YPEL1: variants seen among roughly 807,000 people sequenced by gnomAD.
YPEL1 encodes the protein protein yippee-like 1.
A neutral mutation model predicts 17.3 loss-of-function variants in YPEL1; 7 were observed. The observed-to-expected ratio is 0.40, with a 90% CI of 0.23 to 0.76. The LOEUF (loss-of-function observed/expected upper bound fraction) is 0.76, where lower values mean the gene tolerates loss of function less well. Ranked by LOEUF, YPEL1 falls within the 30% of genes least tolerant of loss-of-function variation. YPEL1 has a pLI of 0.35. For synonymous variants in YPEL1, 59 were observed against 59.6 expected, an observed-to-expected ratio of 0.99 and a Z score of 0.05; for missense variants, 91 against 155.5, an observed-to-expected ratio of 0.59 and a Z score of 2.21.
At chr22:21,712,336 A>C (rs2068174703) in intron 1 of YPEL1, among the ~76,000 whole-genome samples, 2 of 144,774 alleles carry the variant, frequency 1.4e-5, no homozygotes, top group African/African-American at 5.0e-5. Flanking sequence ...ATATATCCAT[A>C]TTCTCTATAT....
In YPEL1 at chr22:21,703,728, C is replaced by A; in HGVS notation, c.161+111G>T. Reference sequence around the variant, plus strand: ...ACTCCCGGCGGGGGGATGGTGGGTTCTTTCAGGACCCCTAAAGACCCAGGT... The same window carrying A: ...ACTCCCGGCGGGGGGATGGTGGGTTATTTCAGGACCCCTAAAGACCCAGGT... On this transcript the variant is annotated intron_variant, in intron 3 of 4. Transcript: ENST00000339468. The surrounding 1 kb of genome is among the most constrained non-coding windows in gnomAD (Gnocchi z 6.1). The A allele has an allele frequency of 2.5e-6, 3 of 1,217,134 alleles. No individual in the cohort carries two copies. Among genetic ancestry groups the A allele is most frequent in the Non-Finnish European group, 2.3e-6 (2 of 873,492 alleles). The allele number at this position is 1,217,134 out of a possible 1,614,324, so 75.4% of individuals were successfully genotyped here. A position where few individuals can be genotyped will look rare whatever the true frequency, so the allele number is the denominator to read the frequency against.
intron 1 of YPEL1, among the ~76,000 whole-genome samples, chr22:21,713,826 T>G (rs2068194964): frequency 1.3e-5 from 2 of 152,204 alleles, no homozygotes; most frequent in South Asian, 4.1e-4. Flanking sequence ...TGACTGATGC[T>G]GCCATCATCA....
intron 2 of YPEL1, among the ~76,000 whole-genome samples, chr22:21,710,033 T>C (rs2068150375): frequency 6.6e-6 from 1 of 152,178 alleles, no homozygotes; most frequent in Non-Finnish European, 1.5e-5. Flanking sequence ...CCTGTTTAAA[T>C]GTTCACAACT....
chr22:21,707,466 G>A (rs1470406814), intron 2 of YPEL1, among the ~76,000 whole-genome samples: 1 of 152,096 alleles, frequency 6.6e-6, no homozygotes, highest in Admixed American at 6.6e-5. Context: ...AGTTGTCCCT[G>A]GTAGACTTCT....
intron 1 of YPEL1, among the ~76,000 whole-genome samples, chr22:21,725,549 G>C (rs1375291701): frequency 2.0e-5 from 3 of 152,082 alleles, no homozygotes; most frequent in African/African-American, 7.2e-5. Context: ...AAATTTTAAA[G>C]TCACTTGGGT....
In YPEL1 at chr22:21,701,235, CAA is replaced by C. The variant is rs774130876; in HGVS notation, c.271-19_271-18del. On this transcript the variant is annotated intron_variant, in intron 4 of 4. Transcript: ENST00000339468. ...GGCATGCTCCTTGAAAAAGAAGAGA[CAA>C]AGGTTTCAGGACAGAAGGTTTCACT... The C allele has an allele frequency of 5.8e-5, 93 of 1,602,856 alleles. 1 individual carries two copies. The African/African-American group carries it at 1.0e-3, about 17-fold the overall frequency.
At chr22:21,722,856 A>T (rs1329231552) in intron 1 of YPEL1, 1 of 152,094 alleles carries the variant, frequency 6.6e-6, no homozygotes. Context: ...AGGGGTGGCA[A>T]CGACTTCTGG....
chr22:21,718,472 T>A (rs552697727), intron 1 of YPEL1, among the ~76,000 whole-genome samples: 18 of 150,612 alleles, frequency 1.2e-4, no homozygotes, highest in South Asian at 1.0e-3. Flanking sequence ...CAAAAAAAAA[T>A]AATAATATAA....
chr22:21,709,337 G>A (rs933454256), intron 2 of YPEL1, among the ~76,000 whole-genome samples: 1 of 152,204 alleles, frequency 6.6e-6, no homozygotes, highest in African/African-American at 2.4e-5. Flanking sequence ...GCACACAGGA[G>A]CCCCAGAGGC....
At chr22:21,727,890 G>A (rs374076103) in intron 1 of YPEL1, among the ~76,000 whole-genome samples, 8 of 152,244 alleles carry the variant, frequency 5.3e-5, no homozygotes, top group East Asian at 1.9e-4. Flanking sequence ...TTACTTCCCC[G>A]GGGAGCCCTC....
At chr22:21,728,408 G>A (rs747630309) in intron 1 of YPEL1, among the ~76,000 whole-genome samples, 3 of 152,184 alleles carry the variant, frequency 2.0e-5, no homozygotes, top group Non-Finnish European at 2.9e-5. Flanking sequence ...GACGTGCAGC[G>A]GCTCCCAGAG....
intron 1 of YPEL1, among the ~76,000 whole-genome samples, chr22:21,727,166 G>A (rs1015100594): frequency 2.6e-5 from 4 of 152,152 alleles, no homozygotes; most frequent in African/African-American, 4.8e-5. Context: ...CCTCCCGTGC[G>A]CTTCATGTGG....
intron 2 of YPEL1, among the ~76,000 whole-genome samples, chr22:21,705,754 A>ATT (rs1432164193): frequency 8.1e-4 from 123 of 152,290 alleles, no homozygotes; most frequent in African/African-American, 2.9e-3. Flanking sequence ...AGGCAGGAGG[A>ATT]TTGCTTGAGC....
chr22:21,712,064 C>T (rs1212229463), intron 1 of YPEL1, among the ~76,000 whole-genome samples: 1 of 152,050 alleles, frequency 6.6e-6, no homozygotes, highest in African/African-American at 2.4e-5. Context: ...GTCCCAGCTA[C>T]TTGGGATAGC....
chr22:21,714,533 CTGCA>C (rs2068202729), intron 1 of YPEL1, among the ~76,000 whole-genome samples: 1 of 152,232 alleles, frequency 6.6e-6, no homozygotes. Flanking sequence ...GTCAGATACA[CTGCA>C]TGCAGCCACT....
At chr22:21,722,409 C>A (rs1248191978) in intron 1 of YPEL1, among the ~76,000 whole-genome samples, 1 of 151,942 alleles carries the variant, frequency 6.6e-6, no homozygotes, top group African/African-American at 2.4e-5. Flanking sequence ...GAGTGAGACT[C>A]GTTCTCAAAA....
intron 2 of YPEL1, among the ~76,000 whole-genome samples, chr22:21,707,958 C>T (rs1024536456): frequency 6.6e-6 from 1 of 152,194 alleles, no homozygotes; most frequent in Non-Finnish European, 1.5e-5. Context: ...AGTTTGCTAA[C>T]TAAATGGAGC....
chr22:21,719,230 G>A (rs146237064), intron 1 of YPEL1, among the ~76,000 whole-genome samples: 71 of 152,280 alleles, frequency 4.7e-4, no homozygotes, highest in African/African-American at 1.5e-3. Flanking sequence ...CACGGTGCAC[G>A]AGGATGTCAT....
chr22:21,707,036 C>A (rs192380541), intron 2 of YPEL1, among the ~76,000 whole-genome samples: 16 of 152,010 alleles, frequency 1.1e-4, no homozygotes, highest in Admixed American at 1.0e-3. Context: ...GGAATGGAGC[C>A]GGACAAGGCA....
Sources: allele counts gnomAD v4.1 joint callset (sites outside exome capture counted in the v4.1 genomes callset), GRCh38; gene constraint gnomAD v4.1.1; non-coding constraint Gnocchi (gnomAD v3.1); transcripts MANE v1.5; gene names NCBI Gene and HGNC (gene_info 2026-07-23, HGNC 2026-07-21).